The following CCT6B variants were observed in gnomAD, a reference collection of about 807,000 sequenced individuals.
CCT6B encodes the protein probable T-complex protein 1 subunit zeta-2.
In CCT6B, 49 loss-of-function variants were observed where a neutral mutation model predicts 61.5. The observed-to-expected ratio is 0.80, with a 90% confidence interval of 0.63 to 1.01. The LOEUF (loss-of-function observed/expected upper bound fraction) is 1.01, where lower values mean the gene tolerates loss of function less well. Among genes scored for constraint, CCT6B ranks in the 50% least tolerant of loss-of-function variants. CCT6B has a pLI of 0.00. For synonymous variants in CCT6B, 228 were observed against 214.5 expected (o/e 1.06, Z -0.55); for missense variants, 666 against 634.7 (o/e 1.05, Z -0.53).
intron 7 of CCT6B, among the ~76,000 whole-genome samples, chr17:34,940,972 A>G (rs942480847): frequency 9.2e-5 from 14 of 152,158 alleles, no homozygotes; most frequent in Admixed American, 8.5e-4. Context: ...ATGGATTCTC[A>G]TATCTCATTC....
rs566093557 is a variant in CCT6B, at chr17:34,953,363, C to G, written c.510+1063G>C. Among the ~76,000 whole-genome samples the G allele has an allele frequency of 1.3e-3, 196 of 148,596 alleles. 1 individual carries two copies. The highest frequency in any genetic ancestry group is 4.8e-3 in the African/African-American group (193 of 40,568). ...TATATTTTTTTGAGACAAAGTTTCA[C>G]TCTGTCACCCAGGCTAGAGTGCAAT... On this transcript the variant is annotated intron_variant, in intron 4 of 13. Coordinates refer to ENST00000314144, the MANE Select transcript of CCT6B (RefSeq NM_006584.4).
intron 10 of CCT6B, among the ~76,000 whole-genome samples, chr17:34,936,965 TAAC>T (rs1003725186): frequency 6.6e-6 from 1 of 151,874 alleles, no homozygotes; most frequent in Non-Finnish European, 1.5e-5. Flanking sequence ...CCAGCCTGGG[TAAC>T]AACATAATGA....
Position 34,942,504 on chromosome 17 carries a change from A to G in CCT6B, c.865T>C (p.Phe289Leu). The G allele has an allele frequency of 1.3e-6, 2 of 1,591,434 alleles. No homozygotes were observed. Among genetic ancestry groups the G allele is most frequent in the South Asian group, 1.2e-5 (1 of 85,858 alleles). ...CTCACCTTTTGATTAATGACGACAA[A>G]TCCTTTATTTGACTGAGCACAGACT... ...DKVCAQSNKG[F>L]VVINQKGIDP... The change falls in exon 7 of 14, where the codon TTT becomes CTT. Residue 289 changes from phenylalanine (F) to leucine (L), a missense_variant. By Grantham distance (22) the Phe-to-Leu change is conservative (BLOSUM62 0). Transcript: ENST00000314144.
chr17:34,940,048 A>C (rs2090143037), intron 8 of CCT6B, among the ~76,000 whole-genome samples: 1 of 152,140 alleles, frequency 6.6e-6, no homozygotes, highest in South Asian at 2.1e-4. Context: ...GGGTTTGCAA[A>C]AGATTTTTAA....
rs2090130014 is a variant in CCT6B at position 34,939,171 on chromosome 17, G to GA, written c.1213+11dup. ...TACATGAGGTTCATATCAATCACAA[G>GA]AAAGAGCTTACCATCTTCAATGGCA... On this transcript the variant is annotated intron_variant, in intron 10 of 13. Transcript: ENST00000314144. 4 of 1,611,434 alleles carry GA rather than the reference G, an allele frequency of 2.5e-6. No individual in the cohort carries two copies. The highest frequency in any genetic ancestry group is 3.4e-6 in the Non-Finnish European group (4 of 1,178,004).
At chr17:34,954,134 A>C (rs1216557435) in intron 4 of CCT6B, among the ~76,000 whole-genome samples, 1 of 152,182 alleles carries the variant, frequency 6.6e-6, no homozygotes, top group Non-Finnish European at 1.5e-5. Flanking sequence ...AGATTTAAAA[A>C]GACCAGTATA....
chr17:34,940,697 C>T (rs984804023), intron 7 of CCT6B, 76 bp from the exon 8 acceptor site: 1 of 649,014 alleles, frequency 1.5e-6, no homozygotes, highest in African/African-American at 1.9e-5. Flanking sequence ...CTCAGCACCA[C>T]TTTACTCTCT....
intron 10 of CCT6B, among the ~76,000 whole-genome samples, chr17:34,933,099 AG>A (rs1254184386): frequency 6.6e-6 from 1 of 152,102 alleles, no homozygotes; most frequent in African/African-American, 2.4e-5. Flanking sequence ...TACTTTTAAG[AG>A]GTATTTATAA....
At chr17:34,958,036 C>T (rs542552013) in intron 3 of CCT6B, among the ~76,000 whole-genome samples, 29 of 151,978 alleles carry the variant, frequency 1.9e-4, no homozygotes, top group African/African-American at 6.0e-4. Context: ...TTTTTAGGTC[C>T]GTTAAATATT....
intron 5 of CCT6B, among the ~76,000 whole-genome samples, chr17:34,947,304 C>G (rs537839853): frequency 4.6e-5 from 7 of 152,134 alleles, no homozygotes; most frequent in African/African-American, 1.7e-4. Flanking sequence ...CTCAAAAAGC[C>G]AGAAAATGCC....
chr17:34,956,784 CCT>C (rs1002958128), intron 3 of CCT6B, among the ~76,000 whole-genome samples: 40 of 151,986 alleles, frequency 2.6e-4, no homozygotes, highest in Admixed American at 1.2e-3. Flanking sequence ...TCTCCTCTGT[CCT>C]CTCTCTCCTC....
At chr17:34,928,791 G>A (rs2089998166) in intron 13 of CCT6B, among the ~76,000 whole-genome samples, 171 bp downstream of exon 13, 1 of 152,044 alleles carries the variant, frequency 6.6e-6, no homozygotes, top group Non-Finnish European at 1.5e-5. Flanking sequence ...ATATAAAAGG[G>A]ACTATGGACT....
rs2090176304 is a variant in CCT6B at position 34,942,567 on chromosome 17, CAATA to C, written c.798_801del (p.Phe266LeufsTer8). 1 of 1,608,218 alleles carries C rather than the reference CAATA, an allele frequency of 6.2e-7. No individual in the cohort carries two copies. ...TCTATTATTTTTTGTACTCTATCTT[CAATA>C]AATTTTCTTTCAGCTTTTACCAATT... is the stretch of plus-strand genomic sequence containing the variant. On this transcript the variant is annotated frameshift_variant, in exon 7 of 14. Coordinates refer to ENST00000314144, the MANE Select transcript of CCT6B (RefSeq NM_006584.4). LOFTEE classifies it high-confidence loss of function.
chr17:34,946,615 T>C (rs2090227013), intron 5 of CCT6B, among the ~76,000 whole-genome samples: 1 of 152,192 alleles, frequency 6.6e-6, no homozygotes, highest in Admixed American at 6.5e-5. Context: ...ACAATGTTTA[T>C]AGCAGCACTA....
intron 9 of CCT6B, 68 bp from the exon 10 acceptor site, chr17:34,939,398 A>G: frequency 7.7e-7 from 1 of 1,295,780 alleles, no homozygotes; most frequent in Non-Finnish European, 1.1e-6. Context: ...AATTTATACT[A>G]GAATACAATC....
intron 10 of CCT6B, among the ~76,000 whole-genome samples, chr17:34,932,957 T>C (rs2142136620): frequency 6.6e-6 from 1 of 152,278 alleles, no homozygotes; most frequent in East Asian, 1.9e-4. Context: ...AATTTTTGTA[T>C]TTTTAATAGA....
intron 5 of CCT6B, among the ~76,000 whole-genome samples, chr17:34,944,986 A>G (rs1169526868): frequency 6.6e-6 from 1 of 152,234 alleles, no homozygotes; most frequent in Non-Finnish European, 1.5e-5. Flanking sequence ...GTTCACGGCA[A>G]TGTACTCAAA....
chr17:34,940,173 C>T (rs775918536), intron 8 of CCT6B, among the ~76,000 whole-genome samples: 1 of 152,076 alleles, frequency 6.6e-6, no homozygotes, highest in Non-Finnish European at 1.5e-5. Flanking sequence ...ATTCCCAGTG[C>T]CCCTCCCCTC....
intron 12 of CCT6B, among the ~76,000 whole-genome samples, chr17:34,929,512 G>GTTT: frequency 7.6e-6 from 1 of 132,244 alleles, no homozygotes; most frequent in Non-Finnish European, 1.6e-5. Context: ...TTTTTTTGGT[G>GTTT]TTTTTTGTTT....
Sources: gnomAD v4.1 joint callset for allele counts (sites outside exome capture counted in the v4.1 genomes callset) on GRCh38, gnomAD v4.1.1 for gene constraint, MANE v1.5 for transcripts, NCBI Gene and HGNC (gene_info 2026-07-23, HGNC 2026-07-21) for gene names.